RIT2: variants seen among roughly 807,000 people sequenced by gnomAD.
The protein encoded by RIT2 is Ras like without CAAX 2, also known as GTP-binding protein Rit2.
RIT2 carries 24 observed loss-of-function variants against 23.7 expected under a neutral mutation model. That is an observed-to-expected ratio of 1.01 (90% CI 0.73 to 1.43). The LOEUF (loss-of-function observed/expected upper bound fraction) is 1.43, where lower values mean the gene tolerates loss of function less well. Ranked by LOEUF, RIT2 falls within the 40% of genes most tolerant of loss-of-function variation. The pLI is 0.00. For missense variants in RIT2, 236 were observed against 266.9 expected (o/e 0.88, Z 0.81); for synonymous variants, 107 against 91.1 (o/e 1.17, Z -0.99).
chr18:42,804,905 G>T (rs955343633), intron 4 of RIT2, among the ~76,000 whole-genome samples: 1 of 152,204 alleles, frequency 6.6e-6, no homozygotes, highest in Non-Finnish European at 1.5e-5. Context: ...AGGGCAGTGT[G>T]AGGCCATTGG....
At chr18:42,766,148 T>C (rs1335397105) in intron 4 of RIT2, among the ~76,000 whole-genome samples, 5 of 152,032 alleles carry the variant, frequency 3.3e-5, no homozygotes, top group African/African-American at 1.2e-4. Context: ...CACCTGAAAA[T>C]GTGGAAGCAA....
At chr18:42,779,583 G>A (rs958955746) in intron 4 of RIT2, among the ~76,000 whole-genome samples, 1 of 152,038 alleles carries the variant, frequency 6.6e-6, no homozygotes, top group African/African-American at 2.4e-5. Flanking sequence ...TAAGTACCTG[G>A]TGCAATTACT....
intron 4 of RIT2, among the ~76,000 whole-genome samples, chr18:42,779,197 T>C (rs1913747569): frequency 1.3e-5 from 2 of 152,194 alleles, no homozygotes; most frequent in Non-Finnish European, 2.9e-5. Context: ...ACTTAGAGGA[T>C]TTATTTTATA....
intron 4 of RIT2, among the ~76,000 whole-genome samples, chr18:42,864,457 C>T (rs1165915521): frequency 2.0e-5 from 3 of 152,156 alleles, no homozygotes; most frequent in East Asian, 3.9e-4. Flanking sequence ...CTGGTGTACT[C>T]TGATGGGAAG....
chr18:42,926,113 C>G (rs1230590850), intron 3 of RIT2, among the ~76,000 whole-genome samples: 1 of 151,558 alleles, frequency 6.6e-6, no homozygotes, highest in Non-Finnish European at 1.5e-5. Flanking sequence ...TCTAGTATTT[C>G]TAGACCAAAA....
intron 1 of RIT2, among the ~76,000 whole-genome samples, chr18:43,049,972 CTTTTTTTTTTTTTTTTT>C (rs755291383): frequency 3.0e-5 from 2 of 66,014 alleles, no homozygotes; most frequent in Admixed American, 2.3e-4. Flanking sequence ...AAGGGATTTC[CTTTTTTTTTTTTTTTTT>C]TTTTTTTTTT....
At chr18:42,883,910 T>C (rs1284236121) in intron 4 of RIT2, among the ~76,000 whole-genome samples, 2 of 152,204 alleles carry the variant, frequency 1.3e-5, no homozygotes, top group Non-Finnish European at 2.9e-5. Flanking sequence ...AGCAGAACAA[T>C]GTCTTTTTTG....
chr18:42,788,727 G>T (rs542503511), intron 4 of RIT2, among the ~76,000 whole-genome samples: 8 of 152,228 alleles, frequency 5.3e-5, no homozygotes, highest in African/African-American at 1.9e-4. Context: ...TATTCTTCAA[G>T]TAACAAGGTA....
intron 4 of RIT2, among the ~76,000 whole-genome samples, chr18:42,899,910 T>C (rs1908429489): frequency 6.6e-6 from 1 of 152,164 alleles, no homozygotes; most frequent in Non-Finnish European, 1.5e-5. Context: ...TAAAAGTACA[T>C]ACTTTCTCAA....
intron 4 of RIT2, among the ~76,000 whole-genome samples, chr18:42,807,576 C>G (rs1905719408): frequency 1.3e-5 from 2 of 152,294 alleles, no homozygotes; most frequent in African/African-American, 4.8e-5. Flanking sequence ...AAGATCGCAC[C>G]ACTGCACTCC....
intron 4 of RIT2, among the ~76,000 whole-genome samples, chr18:42,788,569 T>G (rs1913972596): frequency 6.6e-6 from 1 of 152,198 alleles, no homozygotes; most frequent in African/African-American, 2.4e-5. Flanking sequence ...TGTATTTTAT[T>G]ATGTAATTTC....
chr18:42,920,030 C>A (rs1598714899), intron 4 of RIT2, among the ~76,000 whole-genome samples: 1 of 152,188 alleles, frequency 6.6e-6, no homozygotes, highest in South Asian at 2.1e-4. Context: ...AATTTTGAAA[C>A]CCATTTCCTT....
intron 2 of RIT2, among the ~76,000 whole-genome samples, chr18:42,988,040 T>C (rs1396470221): frequency 1.3e-5 from 2 of 152,112 alleles, no homozygotes; most frequent in African/African-American, 4.8e-5. Context: ...GGGACAAATA[T>C]ACAAATTATA....
chr18:43,058,693 C>A (rs62092694), intron 1 of RIT2, among the ~76,000 whole-genome samples: 13,783 of 152,064 alleles, frequency 0.091, 701 homozygotes, highest in East Asian at 0.19. Context: ...TCGAGACCAG[C>A]CTGGGCAACA....
At chr18:42,949,329 G>T (rs1468371028) in intron 3 of RIT2, among the ~76,000 whole-genome samples, 1 of 152,002 alleles carries the variant, frequency 6.6e-6, no homozygotes, top group Non-Finnish European at 1.5e-5. Flanking sequence ...TTGGGAATAG[G>T]GCATTGCAAT....
At chr18:42,877,859 A>G (rs1178478134) in intron 4 of RIT2, among the ~76,000 whole-genome samples, 4 of 151,858 alleles carry the variant, frequency 2.6e-5, no homozygotes, top group African/African-American at 4.8e-5. Flanking sequence ...GATATGAAAC[A>G]TAGATAAATT....
chr18:42,745,651 C>T (rs760725949), intron 4 of RIT2, among the ~76,000 whole-genome samples: 11 of 151,948 alleles, frequency 7.2e-5, no homozygotes, highest in East Asian at 1.9e-4. Flanking sequence ...AGAAATGCAG[C>T]GAAAACAATC....
At chr18:43,012,896 G>T (rs1048913352) in intron 2 of RIT2, among the ~76,000 whole-genome samples, 1 of 151,638 alleles carries the variant, frequency 6.6e-6, no homozygotes, top group Non-Finnish European at 1.5e-5. Context: ...CACATGCAAA[G>T]GTCACACATT....
chr18:42,772,934 T>C (rs1194810820), intron 4 of RIT2, among the ~76,000 whole-genome samples: 2 of 152,232 alleles, frequency 1.3e-5, no homozygotes, highest in South Asian at 2.1e-4. Flanking sequence ...GAACCATGGG[T>C]CTGGGAGAAG....
Sources: allele counts gnomAD v4.1 joint callset (sites outside exome capture counted in the v4.1 genomes callset), GRCh38; gene constraint gnomAD v4.1.1; transcripts MANE v1.5; gene names NCBI Gene and HGNC (gene_info 2026-07-23, HGNC 2026-07-21).